The following AMBRA1 variants were observed in gnomAD, a reference collection of about 807,000 sequenced individuals.
AMBRA1 encodes activating molecule in BECN1-regulated autophagy protein 1.
A neutral mutation model predicts 125.4 loss-of-function variants in AMBRA1; 47 were observed. The observed-to-expected ratio is 0.37, with a 90% CI of 0.30 to 0.48. AMBRA1 has a LOEUF of 0.48. Ranked by LOEUF, AMBRA1 falls within the 20% of genes least tolerant of loss-of-function variation. AMBRA1 has a pLI of 0.99. For missense variants in AMBRA1, 1,331 were observed against 1,693.4 expected (o/e 0.79, Z 3.76); for synonymous variants, 626 against 655.5 (o/e 0.95, Z 0.69).
chr11:46,420,172 A>G (rs538238319), intron 14 of AMBRA1, among the ~76,000 whole-genome samples: 11 of 152,324 alleles, frequency 7.2e-5, no homozygotes, highest in Non-Finnish European at 1.3e-4. Context: ...GCCCTGTGGC[A>G]GCTGCATTAG....
At chr11:46,441,617 GA>G (rs1948012463) in intron 12 of AMBRA1, among the ~76,000 whole-genome samples, 2 of 152,150 alleles carry the variant, frequency 1.3e-5, no homozygotes, top group Admixed American at 6.5e-5. Context: ...AGTGGCTTCT[GA>G]AAAAACTGCT....
intron 11 of AMBRA1, among the ~76,000 whole-genome samples, chr11:46,467,140 C>T (rs1445776721): frequency 2.6e-5 from 4 of 152,114 alleles, no homozygotes; most frequent in Admixed American, 2.6e-4. Context: ...TGGTCTCAAA[C>T]TCCTGATCTC....
At chr11:46,403,011 A>G (rs752809834) in intron 17 of AMBRA1, among the ~76,000 whole-genome samples, 2 of 152,242 alleles carry the variant, frequency 1.3e-5, no homozygotes, top group Admixed American at 6.5e-5. Flanking sequence ...ATCCAGGCAC[A>G]GTGGCAGACA....
At chr11:46,427,297 T>C (rs1947188686) in intron 14 of AMBRA1, among the ~76,000 whole-genome samples, 1 of 152,178 alleles carries the variant, frequency 6.6e-6, no homozygotes, top group South Asian at 2.1e-4. Flanking sequence ...TTTTCTATGG[T>C]TCATTTTAAT....
Position 46,519,078 on chromosome 11 carries a change from C to G in AMBRA1, c.2073-6265G>C, listed in dbSNP as rs145222869. On this transcript the variant is annotated intron_variant, in intron 7 of 17. Coordinates refer to ENST00000683756, the MANE Select transcript of AMBRA1 (RefSeq NM_001387011.1). The stretch of plus-strand genomic sequence containing the variant: ...AGTTTCTGTCACCCAGGCTGGAGTA[C>G]AGTGGCGCGATCTTGGCTAACTGCA... 7.3e-3 allele frequency among the ~76,000 whole-genome samples: 1,110 copies of G among 152,302 alleles called. 21 individuals are homozygous for G. Among genetic ancestry groups the G allele is most frequent in the African/African-American group, 0.026 (1,060 of 41,554 alleles).
intron 17 of AMBRA1, among the ~76,000 whole-genome samples, chr11:46,404,536 C>A (rs1342417903): frequency 6.6e-6 from 1 of 152,172 alleles, no homozygotes; most frequent in Non-Finnish European, 1.5e-5. Flanking sequence ...CCTCCCCTGC[C>A]CTGACTGGTT....
chr11:46,452,802 G>T (rs1401311358), intron 11 of AMBRA1, among the ~76,000 whole-genome samples: 1 of 152,152 alleles, frequency 6.6e-6, no homozygotes, highest in East Asian at 1.9e-4. Context: ...TGACAAATAA[G>T]AAGACTTCTT....
At position 46,443,738 on chromosome 11, in the gene AMBRA1, A is replaced by G; in HGVS notation, c.2522-140T>C. The G allele has an allele frequency of 4.4e-6, 3 of 679,548 alleles. No homozygotes were observed. In the South Asian group the frequency reaches 5.7e-5, roughly 13 times the overall value. 42.1% of individuals were successfully genotyped at this position (679,548 alleles called of 1,614,324 possible). The stretch of plus-strand genomic sequence containing the variant: ...TGGCTGAAGAAAGCTAATGAGTCCC[A>G]TCTGGCAAGTCTTTGTCTCAAAGAA... On this transcript the variant is annotated intron_variant, in intron 11 of 17. Coordinates refer to ENST00000683756, the MANE Select transcript of AMBRA1 (RefSeq NM_001387011.1).
At chr11:46,431,371 G>A (rs1460496912) in intron 14 of AMBRA1, among the ~76,000 whole-genome samples, 1 of 152,216 alleles carries the variant, frequency 6.6e-6, no homozygotes, top group African/African-American at 2.4e-5. Flanking sequence ...CCCTTGGCAG[G>A]ACAGCCAGGG....
intron 1 of AMBRA1, among the ~76,000 whole-genome samples, chr11:46,558,267 A>G (rs1185708295): frequency 2.0e-5 from 3 of 152,054 alleles, no homozygotes; most frequent in Non-Finnish European, 4.4e-5. Flanking sequence ...CTAACCTAAT[A>G]TCACCGGGCG....
intron 1 of AMBRA1, chr11:46,591,065 G>A (rs1168835070): frequency 2.0e-5 from 3 of 152,152 alleles, no homozygotes; most frequent in Admixed American, 6.6e-5. Flanking sequence ...TTAAGCCTCT[G>A]CCAATTATTT....
At chr11:46,550,383 T>C (rs1002041928) in intron 1 of AMBRA1, among the ~76,000 whole-genome samples, 3 of 152,206 alleles carry the variant, frequency 2.0e-5, no homozygotes, top group Non-Finnish European at 2.9e-5. Context: ...TGATCATTTG[T>C]AGAAAGATGA....
chr11:46,540,247 G>C lies in AMBRA1; in HGVS notation c.2072+1698C>G, dbSNP rs986996323. ...AAGCAGAATGGACAAAAGCTAACCA[G>C]AGCACACTGGTATTACGGAAACAGC... On this transcript the variant is annotated intron_variant, in intron 7 of 17. Coordinates refer to ENST00000683756, the MANE Select transcript of AMBRA1 (RefSeq NM_001387011.1). Among the ~76,000 whole-genome samples the C allele has an allele frequency of 3.9e-5, 6 of 152,220 alleles. 1 individual carries two copies. Among genetic ancestry groups the C allele is most frequent in the Admixed American group, 3.9e-4 (6 of 15,288 alleles).
intron 14 of AMBRA1, among the ~76,000 whole-genome samples, chr11:46,419,855 G>T (rs1433227343): frequency 6.6e-6 from 1 of 152,070 alleles, no homozygotes; most frequent in East Asian, 1.9e-4. Flanking sequence ...TCTGAACTAA[G>T]GGTCCACTCC....
Position 46,443,551 on chromosome 11 carries a change from T to C in AMBRA1, c.2569A>G (p.Asn857Asp), listed in dbSNP as rs372919095. The change falls in exon 12 of 18, where the codon AAT becomes GAT. Residue 857 changes from asparagine to aspartate, a missense_variant. Coordinates refer to ENST00000683756, the MANE Select transcript of AMBRA1 (RefSeq NM_001387011.1). ...CACCACTGGAGCCGGTAGGTAGTAT[T>C]GGCAATGTTACTGGCCACAGCAGAC... ...GQSAVASNIA[N>D]TTYRLQWWDF... is the part of the protein sequence containing the mutation. The C allele has an allele frequency of 3.1e-6, 5 of 1,614,048 alleles. No homozygotes were observed. The highest frequency in any genetic ancestry group is 2.7e-5 in the African/African-American group (2 of 74,936).
At chr11:46,561,298 T>C (rs1307698912) in intron 1 of AMBRA1, among the ~76,000 whole-genome samples, 6 of 151,870 alleles carry the variant, frequency 4.0e-5, no homozygotes, top group Non-Finnish European at 8.8e-5. Context: ...GGAGAATCGC[T>C]TGAACCTAGG....
intron 9 of AMBRA1, chr11:46,494,609 G>A (rs559932382): frequency 6.4e-6 from 1 of 155,494 alleles, no homozygotes; most frequent in African/African-American, 2.4e-5. Flanking sequence ...CGCCTGCTGT[G>A]GGAGGAGGTC....
chr11:46,397,876 C>G lies in AMBRA1; in HGVS notation c.3471G>C (p.Glu1157Asp), dbSNP rs975568389. 6.2e-7 allele frequency: 1 copy of G among 1,600,174 alleles called. No individual in the cohort carries two copies. Among genetic ancestry groups the G allele is most frequent in the Non-Finnish European group, 8.5e-7 (1 of 1,179,934 alleles). The change falls in exon 18 of 18, where the codon GAG (glutamate) becomes GAC (aspartate). Residue 1157 changes from glutamate to aspartate, a missense_variant. Transcript: ENST00000683756. ...ALSRIQRLMA[E>D]GGMTAVVQRE... ...GCTGCACCACGGCTGTCATGCCGCC[C>G]TCCGCCATCAGCCTCTGGATCCTGC...
intron 1 of AMBRA1, among the ~76,000 whole-genome samples, chr11:46,569,999 C>A (rs554008215): frequency 1.3e-5 from 2 of 150,726 alleles, no homozygotes; most frequent in African/African-American, 2.4e-5. Context: ...CGGTGGCTCA[C>A]GCCTGTAATC....
Sources: allele counts gnomAD v4.1 joint callset (sites outside exome capture counted in the v4.1 genomes callset), GRCh38; gene constraint gnomAD v4.1.1; transcripts MANE v1.5; gene names NCBI Gene and HGNC (gene_info 2026-07-23, HGNC 2026-07-21).